The following SAMD5 variants were observed in gnomAD, a reference collection of about 807,000 sequenced individuals.
SAMD5 encodes the protein sterile alpha motif domain containing 5.
SAMD5 carries 13 observed loss-of-function variants against 11.3 expected under a neutral mutation model. That is an observed-to-expected ratio of 1.15 (90% CI 0.75 to 1.83). The LOEUF is 1.83. SAMD5 is among the 40% of genes most tolerant of loss of function. The pLI is 0.00. For missense variants in SAMD5, 255 were observed against 239.1 expected (o/e 1.07, Z -0.44); for synonymous variants, 129 against 111.3 (o/e 1.16, Z -1.00).
At chr6:147,789,473 G>C in the SAMD5 span, among the ~76,000 whole-genome samples, 12 of 152,078 alleles carry the variant, frequency 7.9e-5, no homozygotes, top group Non-Finnish European at 1.8e-4. Flanking sequence ...GATATGTAAA[G>C]TAAGCATTTT....
At chr6:147,646,463 A>T (rs1790403363) in intron 1 of SAMD5, among the ~76,000 whole-genome samples, 1 of 152,152 alleles carries the variant, frequency 6.6e-6, no homozygotes, top group Non-Finnish European at 1.5e-5. Context: ...AAGGATTTCG[A>T]TTGGCCTGTT....
At chr6:147,555,057 A>C (rs1306636316) in intron 1 of SAMD5, among the ~76,000 whole-genome samples, 1 of 152,206 alleles carries the variant, frequency 6.6e-6, no homozygotes, top group African/African-American at 2.4e-5. Context: ...ACCCATATGC[A>C]CACCCACATA....
intron 1 of SAMD5, among the ~76,000 whole-genome samples, chr6:147,548,129 A>G (rs1788714437): frequency 1.3e-5 from 2 of 152,218 alleles, no homozygotes; most frequent in African/African-American, 4.8e-5. Flanking sequence ...ATAGCCAATT[A>G]AGAGAAAGAG....
chr6:147,693,855 G>C (rs1485859228), intron 1 of SAMD5, among the ~76,000 whole-genome samples: 1 of 152,126 alleles, frequency 6.6e-6, no homozygotes, highest in Non-Finnish European at 1.5e-5. Flanking sequence ...TGTAATCCCA[G>C]CTACTCGGGA....
intron 1 of SAMD5, among the ~76,000 whole-genome samples, chr6:147,519,298 T>C (rs998503228): frequency 6.6e-6 from 1 of 152,198 alleles, no homozygotes; most frequent in East Asian, 1.9e-4. Context: ...CACTTTTATA[T>C]GAAAATTTAC....
the SAMD5 span, among the ~76,000 whole-genome samples, chr6:147,789,937 C>T: frequency 1.3e-5 from 2 of 152,188 alleles, no homozygotes; most frequent in Admixed American, 6.5e-5. Flanking sequence ...CCTGACGATA[C>T]TAATCATTGC....
At chr6:147,900,518 T>G in the SAMD5 span, among the ~76,000 whole-genome samples, 1 of 152,192 alleles carries the variant, frequency 6.6e-6, no homozygotes, top group Non-Finnish European at 1.5e-5. Flanking sequence ...CAGCCCGTGA[T>G]GCTGATGCAA....
chr6:147,774,311 T>C, the SAMD5 span, among the ~76,000 whole-genome samples: 7 of 152,270 alleles, frequency 4.6e-5, 1 homozygote, highest in South Asian at 1.2e-3. Flanking sequence ...GGGTACTGAA[T>C]GAGATAATAT....
chr6:147,914,158 C>CTTT, the SAMD5 span, among the ~76,000 whole-genome samples: 11 of 132,340 alleles, frequency 8.3e-5, no homozygotes, highest in African/African-American at 2.8e-4. Context: ...GTTTTTGCGA[C>CTTT]TTTTTTTTTT....
At chr6:147,926,824 T>C in the SAMD5 span, among the ~76,000 whole-genome samples, 2 of 152,236 alleles carry the variant, frequency 1.3e-5, no homozygotes, top group Admixed American at 1.3e-4. Flanking sequence ...TTTAAGTCTT[T>C]AATCCATCTT....
At chr6:147,651,105 C>T (rs12199557) in intron 1 of SAMD5, among the ~76,000 whole-genome samples, 62,618 of 151,992 alleles carry the variant, frequency 0.41, 14,886 homozygotes, top group Middle Eastern at 0.54. Context: ...AGATATAAAA[C>T]GCCACTATTC....
intron 1 of SAMD5, among the ~76,000 whole-genome samples, chr6:147,670,109 C>T (rs116798575): frequency 0.013 from 1,931 of 152,312 alleles, 48 homozygotes; most frequent in African/African-American, 0.044. Context: ...CTTTGTACAT[C>T]TCCATCAGAG....
chr6:147,870,431 GGTGTGTGTGTGTGTGTGAGTGT>G, the SAMD5 span, among the ~76,000 whole-genome samples: 4,334 of 138,248 alleles, frequency 0.031, 87 homozygotes, highest in South Asian at 0.055. Context: ...CATCCCCTTT[GGTGTGTGTGTGTGTGTGAGTGT>G]GTGTGTGTGT....
chr6:147,850,159 C>G, the SAMD5 span, among the ~76,000 whole-genome samples: 1 of 152,086 alleles, frequency 6.6e-6, no homozygotes, highest in Non-Finnish European at 1.5e-5. Context: ...CTAGAGGAAA[C>G]ATATGTATAC....
Position 147,707,839 on chromosome 6 carries a change from C to T in SAMD5, c.163-29478C>T, listed in dbSNP as rs373427430. ...AAAGTATTTTTCTGGATTGCTTCAT[C>T]AGTAATACCACTGATGAGGCTGGGG... On this transcript the variant is annotated intron_variant, in intron 1 of 1. Coordinates refer to the SAMD5 transcript ENST00000566741. Among the ~76,000 whole-genome samples, 89 of 152,202 alleles carry T rather than the reference C, an allele frequency of 5.8e-4. 3 individuals are homozygous for T. The South Asian group carries it at 0.018, about 31-fold the overall frequency.
the SAMD5 span, among the ~76,000 whole-genome samples, chr6:147,813,168 G>A: frequency 6.6e-6 from 1 of 152,194 alleles, no homozygotes; most frequent in African/African-American, 2.4e-5. Context: ...CAAGACACAG[G>A]TCGATAGGAA....
the SAMD5 span, among the ~76,000 whole-genome samples, chr6:147,816,050 G>A: frequency 1.3e-5 from 2 of 151,492 alleles, no homozygotes; most frequent in Admixed American, 6.6e-5. Flanking sequence ...GAGGCCAAAC[G>A]GGCAGATCAC....
At chr6:147,750,472 CAT>C in the SAMD5 span, among the ~76,000 whole-genome samples, 12,331 of 152,288 alleles carry the variant, frequency 0.081, 600 homozygotes, top group Non-Finnish European at 0.1. Context: ...TCCAGTGCCA[CAT>C]GTCTCCTGAC....
At chr6:147,682,185 T>C (rs1285024245) in intron 1 of SAMD5, among the ~76,000 whole-genome samples, 1 of 152,230 alleles carries the variant, frequency 6.6e-6, no homozygotes, top group Non-Finnish European at 1.5e-5. Flanking sequence ...CTGGAAATTC[T>C]TCCTATACAG....
Sources: allele counts gnomAD v4.1 joint callset (sites outside exome capture counted in the v4.1 genomes callset), GRCh38; gene constraint gnomAD v4.1.1; transcripts MANE v1.5; gene names NCBI Gene and HGNC (gene_info 2026-07-23, HGNC 2026-07-21).